Variants in TIMELESS observed in about 807,000 individuals in gnomAD.
TIMELESS encodes the protein timeless circadian regulator.
A neutral mutation model predicts 164.3 loss-of-function variants in TIMELESS; 124 were observed. The observed-to-expected ratio is 0.75, with a 90% CI of 0.65 to 0.88. TIMELESS has a LOEUF of 0.88. Ranked by LOEUF, TIMELESS falls within the 40% of genes least tolerant of loss-of-function variation. The probability of loss-of-function intolerance (pLI) is 0.00; values close to 1 mark genes in which losing one functional copy is unlikely to be tolerated. For synonymous variants in TIMELESS, 564 were observed against 563.4 expected (o/e 1.00, Z -0.02); for missense variants, 1,422 against 1,491.4 (o/e 0.95, Z 0.77).
intron 7 of TIMELESS, 138 bp downstream of exon 7, chr12:56,432,231 A>G (rs1881909192): frequency 2.1e-6 from 2 of 961,660 alleles, no homozygotes; most frequent in Non-Finnish European, 3.1e-6. Flanking sequence ...AGGGGGTACT[A>G]CTGAACTCAA....
chr12:56,434,196 A>C lies in TIMELESS; in HGVS notation c.-26T>G. 1 of 1,563,006 alleles carries C rather than the reference A, an allele frequency of 6.4e-7. No individual in the cohort carries two copies. Among genetic ancestry groups the C allele is most frequent in the Non-Finnish European group, 8.8e-7 (1 of 1,133,672 alleles). On this transcript the variant is annotated 5_prime_UTR_variant, in exon 2 of 29. Transcript: ENST00000553532. Reference sequence around the variant, plus strand: ...ACATCAGTGGACCAACCAACAGAGAAGGAAGTGGAGAAACAGGAGACAGAA... The same window carrying C: ...ACATCAGTGGACCAACCAACAGAGACGGAAGTGGAGAAACAGGAGACAGAA...
chr12:56,432,970 A>AG, intron 6 of TIMELESS, 56 bp downstream of exon 6: 1 of 1,238,412 alleles, frequency 8.1e-7, no homozygotes, highest in Non-Finnish European at 1.1e-6. Flanking sequence ...AAAAAAAAAA[A>AG]AAAAGGCAGC....
In TIMELESS at chr12:56,423,608, A is replaced by T. The variant is rs1328161088; in HGVS notation, c.2066T>A (p.Phe689Tyr). 3 of 1,613,972 alleles carry T rather than the reference A, an allele frequency of 1.9e-6. No homozygotes were observed. Among genetic ancestry groups the T allele is most frequent in the Admixed American group, 1.7e-5 (1 of 59,992 alleles). The change falls in exon 17 of 29, where the codon TTT becomes TAT. Residue 689 changes from phenylalanine to tyrosine, a missense_variant. Coordinates refer to ENST00000553532, the MANE Select transcript of TIMELESS (RefSeq NM_003920.5). ...LQVVQVSEKE[F>Y]NFLDYLKRFA... is the part of the protein sequence containing the mutation. ...CCGTTTCAGGTAGTCCAGAAAATTA[A>T]ATTCTTTCTCCGACACCTGGACCAC...
Position 56,433,619 on chromosome 12 carries a change from G to C in TIMELESS, c.285C>G (p.Leu95=), listed in dbSNP as rs1881969486. 6.2e-7 allele frequency: 1 copy of C among 1,614,176 alleles called. No individual in the cohort carries two copies. The highest frequency in any genetic ancestry group is 8.5e-7 in the Non-Finnish European group (1 of 1,180,052). ...GCTCCTTAGGCAGATTGCCAAAACAGAGCAAGGCTGGTTGTGTCAAGTTCA... is the reference window on the plus strand; with the variant it reads ...GCTCCTTAGGCAGATTGCCAAAACACAGCAAGGCTGGTTGTGTCAAGTTCA... ...LMVNLTQPAL[L]CFGNLPKEPS... is the part of the protein sequence containing the mutation. The change falls in exon 4 of 29, where the codon CTC becomes CTG. Residue 95 remains leucine (L), a synonymous_variant. Coordinates refer to ENST00000553532, the MANE Select transcript of TIMELESS (RefSeq NM_003920.5).
At position 56,449,371 on chromosome 12, in the gene TIMELESS, G is replaced by A. The variant is rs1868493531; in HGVS notation, c.-123C>T. The A allele has an allele frequency of 1.3e-5, 2 of 152,406 alleles. No homozygotes were observed. Among genetic ancestry groups the A allele is most frequent in the East Asian group, 1.9e-4 (1 of 5,186 alleles). 9.4% of individuals were successfully genotyped at this position (152,406 alleles called of 1,614,324 possible). ...ACCGGCCCTCTGGCGCGGGGCCGCA[G>A]CCTTTCCGCCACCAGGCTCAGCTGG... On this transcript the variant is annotated 5_prime_UTR_variant, in exon 1 of 29. Transcript: ENST00000553532.
At chr12:56,422,047 A>G in intron 20 of TIMELESS, 31 bp from the exon 21 acceptor site, 2 of 1,613,870 alleles carry the variant, frequency 1.2e-6, no homozygotes, top group Non-Finnish European at 1.7e-6. Flanking sequence ...GGCAGTAAAG[A>G]AGGTCCCACA....
Position 56,423,201 on chromosome 12 carries a change from T to C in TIMELESS, c.2292+73A>G, listed in dbSNP as rs1305957954. 8 of 1,555,264 alleles carry C rather than the reference T, an allele frequency of 5.1e-6. No homozygotes were observed. In the African/African-American group the frequency reaches 8.2e-5, roughly 16 times the overall value. ...CCTTGACACCTCTCAGCACCTTCTA[T>C]CTCCTGAAGATTATTTATTTACCTG... On this transcript the variant is annotated intron_variant, in intron 18 of 28. Transcript: ENST00000553532.
intron 26 of TIMELESS, 32 bp from the exon 27 acceptor site, chr12:56,418,391 G>T: frequency 6.6e-7 from 1 of 1,510,816 alleles, no homozygotes; most frequent in South Asian, 1.2e-5. Context: ...AAAGGGAAAG[G>T]ACCAGCTTTT....
intron 13 of TIMELESS, among the ~76,000 whole-genome samples, chr12:56,425,390 T>A (rs980395080): frequency 6.6e-6 from 1 of 152,134 alleles, no homozygotes; most frequent in Non-Finnish European, 1.5e-5. Context: ...ATAAAAGCTA[T>A]AATGTGAGTG....
chr12:56,436,542 G>A (rs1025903963), intron 1 of TIMELESS, among the ~76,000 whole-genome samples: 5 of 152,184 alleles, frequency 3.3e-5, no homozygotes, highest in African/African-American at 9.7e-5. Context: ...AAGGAAGTCT[G>A]CTAACCATCG....
At chr12:56,422,726 C>T (rs952499294) in intron 19 of TIMELESS, 121 bp downstream of exon 19, 15 of 1,132,136 alleles carry the variant, frequency 1.3e-5, no homozygotes, top group Non-Finnish European at 1.8e-5. Context: ...GTTCTCTCAC[C>T]CATAATAGGG....
At chr12:56,447,243 T>C (rs191772399) in intron 1 of TIMELESS, among the ~76,000 whole-genome samples, 15 of 148,964 alleles carry the variant, frequency 1.0e-4, no homozygotes, top group African/African-American at 3.5e-4. Context: ...ACCCTTGAAC[T>C]TTCAGAGCCT....
intron 7 of TIMELESS, 54 bp from the exon 8 acceptor site, chr12:56,431,658 G>T: frequency 6.3e-7 from 1 of 1,581,286 alleles, no homozygotes. Flanking sequence ...CTTATCCTGA[G>T]TTCACGCCTA....
chr12:56,419,012 C>T (rs2131094), intron 26 of TIMELESS, among the ~76,000 whole-genome samples: 140,831 of 147,426 alleles, frequency 0.96, 67,349 homozygotes, highest in East Asian at 1. Context: ...TTTTTTTTTT[C>T]TTTTTGAGGC....
intron 6 of TIMELESS, 146 bp from the exon 7 acceptor site, chr12:56,432,670 C>T (rs979964213): frequency 6.9e-6 from 8 of 1,152,320 alleles, no homozygotes; most frequent in Admixed American, 2.7e-5. Flanking sequence ...CTTGGCCGGG[C>T]GCGGTGGCTC....
At chr12:56,433,292 C>CT (rs1881956189) in intron 5 of TIMELESS, 89 bp downstream of exon 5, 2 of 1,490,112 alleles carry the variant, frequency 1.3e-6, no homozygotes, top group Non-Finnish European at 1.9e-6. Context: ...TCCCCAAGGA[C>CT]TGGGACCATA....
At chr12:56,439,131 A>C (rs1234364446) in intron 1 of TIMELESS, among the ~76,000 whole-genome samples, 5 of 124,868 alleles carry the variant, frequency 4.0e-5, no homozygotes, top group African/African-American at 1.5e-4. Flanking sequence ...GTGCCACTGC[A>C]CTCCAGCTTG....
chr12:56,443,898 CTT>C (rs1225876764), intron 1 of TIMELESS, among the ~76,000 whole-genome samples: 36 of 134,702 alleles, frequency 2.7e-4, no homozygotes, highest in Admixed American at 3.7e-4. Flanking sequence ...TTTCGGTATT[CTT>C]TTTTTTTTTT....
chr12:56,428,464 G>A, intron 12 of TIMELESS, 59 bp from the exon 13 acceptor site: 1 of 1,606,858 alleles, frequency 6.2e-7, no homozygotes, highest in Non-Finnish European at 8.5e-7. Flanking sequence ...GAAAAGGAGA[G>A]ATGGATGAAG....
Sources: allele counts gnomAD v4.1 joint callset (sites outside exome capture counted in the v4.1 genomes callset), GRCh38; gene constraint gnomAD v4.1.1; transcripts MANE v1.5; gene names NCBI Gene and HGNC (gene_info 2026-07-23, HGNC 2026-07-21).